The following GHRL variants were observed in gnomAD, a reference collection of about 807,000 sequenced individuals.
GHRL encodes the protein ghrelin and obestatin prepropeptide.
A neutral mutation model predicts 16.9 loss-of-function variants in GHRL; 24 were observed. That is an observed-to-expected ratio of 1.42 (90% CI 1.03 to 2.00). The LOEUF (loss-of-function observed/expected upper bound fraction) is 2.00, where lower values mean the gene tolerates loss of function less well. Among genes scored for constraint, GHRL ranks in the 30% most tolerant of loss-of-function variants. The pLI is 0.00. For missense variants in GHRL, 193 were observed against 142.1 expected (o/e 1.36, Z -1.82); for synonymous variants, 63 against 58.2 (o/e 1.08, Z -0.37).
chr3:10,289,813 G>A lies in GHRL; in HGVS notation c.174C>T (p.Arg58=). The change falls in exon 4 of 6, where the codon CGC becomes CGT. Residue 58 remains arginine, a synonymous_variant. Coordinates refer to ENST00000335542, the MANE Select transcript of GHRL (RefSeq NM_016362.5). ...LQPRALAGWL[R]PEDGGQAEGA... is the part of the protein sequence containing the mutation. ...CTTCTGCTTGACCTCCATCTTCCGG[G>A]CGGAGCCAGCCTGCTAGAGCTCGGG... 3.1e-6 allele frequency: 5 copies of A among 1,613,776 alleles called. No individual in the cohort carries two copies. The highest frequency in any genetic ancestry group is 3.4e-6 in the Non-Finnish European group (4 of 1,179,894).
chr3:10,287,913 A>ATTTTTTTTTTTTTTTTTTTTTTTTT lies in GHRL; in HGVS notation c.226-1102_226-1101insAAAAAAAAAAAAAAAAAAAAAAAAA, dbSNP rs1576049089. 4.5e-5 allele frequency: 4 copies of ATTTTTTTTTTTTTTTTTTTTTTTTT among 87,952 alleles called. 1 individual carries two copies. Among genetic ancestry groups the ATTTTTTTTTTTTTTTTTTTTTTTTT allele is most frequent in the Non-Finnish European group, 2.7e-5 (1 of 37,208 alleles). 5.4% of individuals were successfully genotyped at this position (87,952 alleles called of 1,614,324 possible). On this transcript the variant is annotated intron_variant, in intron 4 of 5. Transcript: ENST00000335542. Reference sequence around the variant, plus strand: ...GACCCAGTGGGGAATGACATGATTGAATTTTTTTTTTTTTTTTTTTTTTTT... The same window carrying ATTTTTTTTTTTTTTTTTTTTTTTTT: ...GACCCAGTGGGGAATGACATGATTGATTTTTTTTTTTTTTTTTTTTTTTTTATTTTTTTTTTTTTTTTTTTTTTTT...
Position 10,290,123 on chromosome 3 carries a change from A to G in GHRL, c.58T>C (p.Leu20=), listed in dbSNP as rs1270725925. 2 of 1,613,458 alleles carry G rather than the reference A, an allele frequency of 1.2e-6. No individual in the cohort carries two copies. The highest frequency in any genetic ancestry group is 1.7e-6 in the Non-Finnish European group (2 of 1,179,904). Residue 20 remains leucine (L), a synonymous_variant, in exon 3 of 6, where the codon TTG becomes CTG. Coordinates refer to ENST00000335542, the MANE Select transcript of GHRL (RefSeq NM_016362.5). ...AGGAAGCTGGAGCCTGCCATGGCCA[A>G]GTCCAGCCAGAGCATGCCGAGGAGC... The part of the protein sequence containing the change: ...LLLLGMLWLD[L]AMAGSSFLSP...
At chr3:10,289,478 G>A (rs1322685386) in intron 4 of GHRL, among the ~76,000 whole-genome samples, 3 of 152,180 alleles carry the variant, frequency 2.0e-5, no homozygotes, top group Admixed American at 6.5e-5. Flanking sequence ...TGTATTTTCT[G>A]TCCCCTTTGA....
chr3:10,292,779 C>CCAAA, intron 1 of GHRL, 63 bp downstream of exon 1: 1 of 1,048,054 alleles, frequency 9.5e-7, no homozygotes, highest in East Asian at 2.6e-5. Context: ...AAAAAAATCC[C>CCAAA]CAAACAGAAA....
Position 10,285,830 on chromosome 3 carries a change from G to A in GHRL, c.*45C>T, listed in dbSNP as rs756695811. Reference sequence around the variant, plus strand: ...TGCAGAAGCAAGCGAAAAGCCAGATGAGCGCTTCTAAACTTAGAGAGAGGT... The same window carrying A: ...TGCAGAAGCAAGCGAAAAGCCAGATAAGCGCTTCTAAACTTAGAGAGAGGT... On this transcript the variant is annotated 3_prime_UTR_variant, in exon 6 of 6. Coordinates refer to ENST00000335542, the MANE Select transcript of GHRL (RefSeq NM_016362.5). 2 of 1,568,404 alleles carry A rather than the reference G, an allele frequency of 1.3e-6. No homozygotes were observed. Among genetic ancestry groups the A allele is most frequent in the South Asian group, 2.2e-5 (2 of 89,996 alleles).
Position 10,289,762 on chromosome 3 carries a change from C to T in GHRL, c.225G>A (p.Arg75=). The T allele has an allele frequency of 1.3e-6, 2 of 1,584,258 alleles. No homozygotes were observed. The highest frequency in any genetic ancestry group is 8.7e-7 in the Non-Finnish European group (1 of 1,152,884). The change falls in exon 4 of 6, where the codon CGG becomes CGA. Residue 75 remains arginine (R), a splice_region_variant and synonymous_variant. Coordinates refer to ENST00000335542, the MANE Select transcript of GHRL (RefSeq NM_016362.5). ...AEGAEDELEV[R]FNAPFDVGIK... ...AGCATAAAACTGCAGAGGTACCGAC[C>T]CGGACTTCCAGTTCATCCTCTGCCC...
chr3:10,286,746 G>A lies in GHRL; in HGVS notation c.292C>T (p.Leu98=), dbSNP rs1699135905. 6.2e-7 allele frequency: 1 copy of A among 1,612,806 alleles called. No homozygotes were observed. Among genetic ancestry groups the A allele is most frequent in the Admixed American group, 1.7e-5 (1 of 60,010 alleles). The change falls in exon 5 of 6, where the codon CTG becomes TTG. Residue 98 remains leucine, a synonymous_variant. Transcript: ENST00000335542. ...GVQYQQHSQA[L]GKFLQDILWE... is the part of the protein sequence containing the mutation. ...AGGATGTCCTGAAGAAACTTCCCCA[G>A]GGCCTGGCTGTGCTGCTGGTACTGA...
At chr3:10,290,529 C>T (rs1290942792) in intron 2 of GHRL, among the ~76,000 whole-genome samples, 187 bp downstream of exon 2, 1 of 152,134 alleles carries the variant, frequency 6.6e-6, no homozygotes. Context: ...CAGCAAGGGC[C>T]CCAGGGCACT....
At chr3:10,289,691 C>T (rs1699644160) in intron 4 of GHRL, 71 bp downstream of exon 4, 2 of 942,390 alleles carry the variant, frequency 2.1e-6, no homozygotes, top group African/African-American at 1.6e-5. Flanking sequence ...TGCCACCTCT[C>T]CCTGCCCTCC....
rs1293440179 is a variant in GHRL, at chr3:10,289,853, G to C, written c.134C>G (p.Pro45Arg). The change falls in exon 4 of 6, where the codon CCA (proline) becomes CGA (arginine). Residue 45 changes from proline (P) to arginine (R), a missense_variant. Physicochemically the swap from Pro to Arg is moderately radical, Grantham distance 103. Transcript: ENST00000335542. ...TAGAGCTCGGGGCTGCAGCTTGGCT[G>C]GTGGCTTCTTCGACTCCTTTCTCTG... ...VQQRKESKKP[P>R]AKLQPRALAG... 1 of 1,613,588 alleles carries C rather than the reference G, an allele frequency of 6.2e-7. No homozygotes were observed. The highest frequency in any genetic ancestry group is 1.7e-5 in the Admixed American group (1 of 59,970).
At chr3:10,287,787 C>T (rs697228) in intron 4 of GHRL, among the ~76,000 whole-genome samples, 14 of 152,296 alleles carry the variant, frequency 9.2e-5, no homozygotes, top group Non-Finnish European at 2.1e-4. Flanking sequence ...TACCACTGTG[C>T]CCATTTTACA....
In GHRL at chr3:10,291,173, T is replaced by C. The variant is rs1699952760; in HGVS notation, c.-487A>G. 9.1e-6 allele frequency: 9 copies of C among 985,732 alleles called. No individual in the cohort carries two copies. Among genetic ancestry groups the C allele is most frequent in the Non-Finnish European group, 1.1e-5 (9 of 830,136 alleles). 61.1% of individuals were successfully genotyped at this position (985,732 alleles called of 1,614,324 possible). The stretch of plus-strand genomic sequence containing the variant: ...CATGTGCTGTTGCTGCTCTGGCCTC[T>C]GTGAGCCCCGGGAGTCCGCAGGGAG... On this transcript the variant is annotated 5_prime_UTR_variant, in exon 2 of 6. Coordinates refer to ENST00000335542, the MANE Select transcript of GHRL (RefSeq NM_016362.5).
At chr3:10,288,356 AC>A (rs978452730) in intron 4 of GHRL, 2 of 152,244 alleles carry the variant, frequency 1.3e-5, no homozygotes, top group African/African-American at 2.4e-5. Context: ...CAGCCCCAAC[AC>A]CCCCCAGGCG....
chr3:10,290,694 A>G (rs930131795), intron 2 of GHRL, 22 bp downstream of exon 2: 46 of 1,006,520 alleles, frequency 4.6e-5, no homozygotes, highest in Middle Eastern at 4.9e-4. Context: ...GCAAACGCAC[A>G]CGGAGAGTAG....
At chr3:10,286,094 G>T (rs760722097) in intron 5 of GHRL, among the ~76,000 whole-genome samples, 200 bp from the exon 6 acceptor site, 1 of 152,218 alleles carries the variant, frequency 6.6e-6, no homozygotes, top group African/African-American at 2.4e-5. Flanking sequence ...TGGTTTCCTC[G>T]TTTGCACAGC....
intron 4 of GHRL, among the ~76,000 whole-genome samples, chr3:10,289,120 A>G (rs1161868953): frequency 6.6e-6 from 1 of 152,204 alleles, no homozygotes; most frequent in Non-Finnish European, 1.5e-5. Context: ...AAATATTTAG[A>G]AGAAACCATT....
chr3:10,289,932 AAC>A lies in GHRL; in HGVS notation c.109-56_109-55del, dbSNP rs143211116. ...CTCTAAGCCCCCATGTCCTTCCAGAAACAGTGAGGTCAGACCCAGAGTCCTTT... is the reference window on the plus strand; with the variant it reads ...CTCTAAGCCCCCATGTCCTTCCAGAAAGTGAGGTCAGACCCAGAGTCCTTT... On this transcript the variant is annotated intron_variant, in intron 3 of 5. Coordinates refer to ENST00000335542, the MANE Select transcript of GHRL (RefSeq NM_016362.5). 4.7e-4 allele frequency: 708 copies of A among 1,507,358 alleles called. 2 individuals are homozygous for A. The African/African-American group carries it at 7.9e-3, about 17-fold the overall frequency. 93.4% of individuals were successfully genotyped at this position (1,507,358 alleles called of 1,614,324 possible).
Position 10,290,817 on chromosome 3 carries a change from G to C in GHRL, c.-131C>G, listed in dbSNP as rs1442109365. On this transcript the variant is annotated 5_prime_UTR_variant, in exon 2 of 6. Transcript: ENST00000335542. ...GCAACCCCATCCCAGAGGTGGCCTAGCTTCCGTGGGGCTGATGTACATTCC... is the reference window on the plus strand; with the variant it reads ...GCAACCCCATCCCAGAGGTGGCCTACCTTCCGTGGGGCTGATGTACATTCC... The C allele has an allele frequency of 4.1e-6, 4 of 987,182 alleles. No homozygotes were observed. The African/African-American group carries it at 7.0e-5, about 17-fold the overall frequency. The allele number at this position is 987,182 out of a possible 1,614,324, so 61.2% of individuals were successfully genotyped here.
In GHRL at chr3:10,290,126, C is replaced by G; in HGVS notation, c.55G>C (p.Asp19His). The change falls in exon 3 of 6, where the codon GAC becomes CAC. Residue 19 changes from aspartate (D) to histidine (H), a missense_variant. Physicochemically the swap from Asp to His is moderately conservative, Grantham distance 81. Coordinates refer to ENST00000335542, the MANE Select transcript of GHRL (RefSeq NM_016362.5). ...SLLLLGMLWL[D>H]LAMAGSSFLS... ...AAGCTGGAGCCTGCCATGGCCAAGTCCAGCCAGAGCATGCCGAGGAGCAGG... is the reference window on the plus strand; with the variant it reads ...AAGCTGGAGCCTGCCATGGCCAAGTGCAGCCAGAGCATGCCGAGGAGCAGG... 3 of 1,613,416 alleles carry G rather than the reference C, an allele frequency of 1.9e-6. No individual in the cohort carries two copies. Among genetic ancestry groups the G allele is most frequent in the Non-Finnish European group, 1.7e-6 (2 of 1,179,900 alleles).
Sources: allele counts gnomAD v4.1 joint callset (sites outside exome capture counted in the v4.1 genomes callset), GRCh38; gene constraint gnomAD v4.1.1; transcripts MANE v1.5; gene names NCBI Gene and HGNC (gene_info 2026-07-23, HGNC 2026-07-21).